Variants in NEO1 observed in about 807,000 individuals in gnomAD.
The protein encoded by NEO1 is neogenin.
A neutral mutation model predicts 159.7 loss-of-function variants in NEO1; 63 were observed. The observed-to-expected ratio is 0.39, with a 90% CI of 0.32 to 0.49. The LOEUF (loss-of-function observed/expected upper bound fraction) is 0.49. Among genes scored for constraint, NEO1 ranks in the 20% least tolerant of loss-of-function variants. The pLI is 0.85. For synonymous variants in NEO1, 633 were observed against 662.0 expected, an observed-to-expected ratio of 0.96 and a Z score of 0.67; for missense variants, 1,615 against 1,831.0, an observed-to-expected ratio of 0.88 and a Z score of 2.15.
intron 5 of NEO1, among the ~76,000 whole-genome samples, chr15:73,157,439 G>A (rs750865851): frequency 6.6e-6 from 1 of 152,180 alleles, no homozygotes; most frequent in Non-Finnish European, 1.5e-5. Flanking sequence ...GCAGTTCCTT[G>A]TCCAGTCACT....
chr15:73,191,010 T>C (rs1328850810), intron 7 of NEO1, among the ~76,000 whole-genome samples: 1 of 152,240 alleles, frequency 6.6e-6, no homozygotes, highest in East Asian at 1.9e-4. Flanking sequence ...ATGCATTTAA[T>C]GTAAAATGTG....
At chr15:73,052,175 G>A (rs2067464394), upstream of NEO1, among the ~76,000 whole-genome samples, 1 of 149,876 alleles carries the variant, frequency 6.7e-6, no homozygotes, top group Admixed American at 6.6e-5. Flanking sequence ...AAGGGGGAGG[G>A]GAGCGGGCCC....
intron 28 of NEO1, among the ~76,000 whole-genome samples, chr15:73,302,341 G>A (rs1373536750): frequency 6.6e-6 from 1 of 152,184 alleles, no homozygotes; most frequent in African/African-American, 2.4e-5. Flanking sequence ...ACCTAGAAGG[G>A]GCAAGCAGTG....
At chr15:73,197,828 C>T (rs2036624677) in intron 7 of NEO1, among the ~76,000 whole-genome samples, 1 of 151,532 alleles carries the variant, frequency 6.6e-6, no homozygotes, top group Middle Eastern at 3.4e-3. Flanking sequence ...TTACAGGCAC[C>T]CACTACCATG....
chr15:73,126,652 A>G, intron 4 of NEO1, 82 bp downstream of exon 4: 3 of 1,327,808 alleles, frequency 2.3e-6, no homozygotes, highest in Non-Finnish European at 3.1e-6. Flanking sequence ...TGACTAATTT[A>G]AAAAGATTAT....
intron 22 of NEO1, among the ~76,000 whole-genome samples, chr15:73,281,825 TAATG>T (rs1485754318): frequency 1.3e-5 from 2 of 152,076 alleles, no homozygotes; most frequent in Admixed American, 1.3e-4. Context: ...CATACATAAA[TAATG>T]AGTAGGGAGG....
intron 1 of NEO1, among the ~76,000 whole-genome samples, chr15:73,064,569 A>G (rs1165282081): frequency 6.6e-6 from 1 of 152,042 alleles, no homozygotes; most frequent in East Asian, 1.9e-4. Context: ...GGCTCAAGTG[A>G]TCCTCCTGCC....
intron 5 of NEO1, among the ~76,000 whole-genome samples, chr15:73,158,599 A>C (rs1222098458): frequency 2.6e-5 from 4 of 152,028 alleles, no homozygotes; most frequent in African/African-American, 9.7e-5. Context: ...TTTGTTACCC[A>C]GGCTGGTCTT....
intron 25 of NEO1, among the ~76,000 whole-genome samples, chr15:73,289,485 A>G (rs1228642368): frequency 6.6e-6 from 1 of 152,220 alleles, no homozygotes; most frequent in African/African-American, 2.4e-5. Context: ...TCCCAGGAAT[A>G]GGGGAGTAAC....
intron 1 of NEO1, among the ~76,000 whole-genome samples, chr15:73,065,603 C>T (rs183506572): frequency 2.9e-4 from 44 of 152,196 alleles, no homozygotes; most frequent in African/African-American, 1.1e-3. Flanking sequence ...AATGTGCTTA[C>T]CTCCCGTCTT....
At chr15:73,269,535 A>G (rs894175721) in intron 16 of NEO1, among the ~76,000 whole-genome samples, 1 of 151,844 alleles carries the variant, frequency 6.6e-6, no homozygotes, top group Non-Finnish European at 1.5e-5. Flanking sequence ...TAATTTTTGT[A>G]TTTTTAGTAG....
At chr15:73,207,586 G>C (rs1029546897) in intron 7 of NEO1, among the ~76,000 whole-genome samples, 2 of 152,144 alleles carry the variant, frequency 1.3e-5, no homozygotes, top group African/African-American at 4.8e-5. Context: ...ACATTTATTT[G>C]ACCTCTTGTC....
At chr15:73,194,414 CAAG>C (rs2036415503) in intron 7 of NEO1, among the ~76,000 whole-genome samples, 2 of 152,144 alleles carry the variant, frequency 1.3e-5, no homozygotes, top group Admixed American at 1.3e-4. Flanking sequence ...GCAGGCTGTA[CAAG>C]AAGCATGGCA....
chr15:73,075,231 C>T (rs1043892412), intron 1 of NEO1, among the ~76,000 whole-genome samples: 1 of 151,996 alleles, frequency 6.6e-6, no homozygotes, highest in African/African-American at 2.4e-5. Context: ...TTTTATCTAG[C>T]AGGGATTTTT....
At chr15:73,215,326 G>A (rs2037814085) in intron 7 of NEO1, among the ~76,000 whole-genome samples, 1 of 152,160 alleles carries the variant, frequency 6.6e-6, no homozygotes, top group Non-Finnish European at 1.5e-5. Context: ...TTGAAAAGAA[G>A]TGGTGAGAGT....
rs1254732309 is a variant in NEO1 at position 73,097,186 on chromosome 15, T to TG, written c.131-19353dup. The stretch of plus-strand genomic sequence containing the variant: ...ACTGAGATGGCTAAATTCTTAGGAC[T>TG]GAGTTCTTTAGGGATGGACTAACTG... On this transcript the variant is annotated intron_variant, in intron 1 of 28. Coordinates refer to ENST00000261908, the MANE Select transcript of NEO1 (RefSeq NM_002499.4). Among the ~76,000 whole-genome samples, 6 of 152,298 alleles carry TG rather than the reference T, an allele frequency of 3.9e-5. No individual in the cohort carries two copies. The East Asian group carries it at 1.2e-3, about 29-fold the overall frequency.
intron 16 of NEO1, among the ~76,000 whole-genome samples, chr15:73,266,955 A>G (rs1375247819): frequency 1.3e-5 from 2 of 152,186 alleles, no homozygotes; most frequent in Non-Finnish European, 2.9e-5. Flanking sequence ...TCTTTGAATT[A>G]TCTACTTAAA....
intron 7 of NEO1, among the ~76,000 whole-genome samples, chr15:73,232,334 T>C (rs2038953724): frequency 1.3e-5 from 2 of 152,222 alleles, no homozygotes; most frequent in African/African-American, 4.8e-5. Context: ...TCTAAAAGTC[T>C]CTGTTTAGAT....
At chr15:73,080,239 C>T (rs1035718915) in intron 1 of NEO1, among the ~76,000 whole-genome samples, 5 of 152,182 alleles carry the variant, frequency 3.3e-5, no homozygotes, top group East Asian at 3.8e-4. Flanking sequence ...TAATTTTAGC[C>T]AGTTTGTTCT....
Sources: allele counts gnomAD v4.1 joint callset (sites outside exome capture counted in the v4.1 genomes callset), GRCh38; gene constraint gnomAD v4.1.1; transcripts MANE v1.5; gene names NCBI Gene and HGNC (gene_info 2026-07-23, HGNC 2026-07-21).